Variants in COMMD9 observed in about 807,000 individuals in gnomAD.
COMMD9 encodes COMM domain-containing protein 9.
COMMD9 carries 22 observed loss-of-function variants against 23.4 expected under a neutral mutation model. The observed-to-expected ratio is 0.94, with a 90% CI of 0.67 to 1.34. COMMD9 has a LOEUF of 1.34. Ranked by LOEUF, COMMD9 falls within the 40% of genes most tolerant of loss-of-function variation. The probability of loss-of-function intolerance (pLI) is 0.00; values close to 1 mark genes in which losing one functional copy is unlikely to be tolerated. For synonymous variants in COMMD9, 99 were observed against 97.4 expected, an observed-to-expected ratio of 1.02 and a Z score of -0.10; for missense variants, 231 against 240.2, an observed-to-expected ratio of 0.96 and a Z score of 0.25.
chr11:36,287,168 CGCGTAGTATGT>C (rs1373127051), intron 1 of COMMD9, among the ~76,000 whole-genome samples: 1 of 332 alleles, frequency 3.0e-3, no homozygotes, highest in African/African-American at 0.017. Flanking sequence ...CTATGTATAT[CGCGTAGTATGT>C]ATACTACATA....
In COMMD9 at chr11:36,276,218, A is replaced by T; in HGVS notation, c.375T>A (p.Asp125Glu). The change falls in exon 5 of 6, where the codon GAT (aspartate) becomes GAA (glutamate). Residue 125 changes from aspartate (D) to glutamate (E), a missense_variant. Physicochemically the swap from Asp to Glu is conservative, Grantham distance 45. Coordinates refer to ENST00000263401, the MANE Select transcript of COMMD9 (RefSeq NM_014186.4). ...ANQISLPRLV[D>E]LDWRVDIKTS... ...TTTTGATATCCACTCTCCAGTCCAG[A>T]TCGACCAGGCGTGGCAGAGAGACTG... The T allele has an allele frequency of 6.2e-7, 1 of 1,614,066 alleles. No individual in the cohort carries two copies. Among genetic ancestry groups the T allele is most frequent in the Non-Finnish European group, 8.5e-7 (1 of 1,179,944 alleles).
At chr11:36,287,607 A>AGTATTTT (rs1043623452) in intron 1 of COMMD9, among the ~76,000 whole-genome samples, 1 of 152,004 alleles carries the variant, frequency 6.6e-6, no homozygotes, top group African/African-American at 2.4e-5. Flanking sequence ...AAAAAGTCTA[A>AGTATTTT]GTATTTTTTT....
At position 36,287,120 on chromosome 11, in the gene COMMD9, T is replaced by C. The variant is rs372251103; in HGVS notation, c.51+2242A>G. On this transcript the variant is annotated intron_variant, in intron 1 of 5. Coordinates refer to ENST00000263401, the MANE Select transcript of COMMD9 (RefSeq NM_014186.4). ...TATGTATATCGCGTAGTATGTATAC[T>C]ACATACTATGTATATCGCGTAGTAT... Among the ~76,000 whole-genome samples, 366 of 80,940 alleles carry C rather than the reference T, an allele frequency of 4.5e-3. 39 individuals are homozygous for C. The highest frequency in any genetic ancestry group is 0.014 in the African/African-American group (346 of 24,460). The allele number at this position is 80,940 out of a possible 152,430, so 53.1% of individuals were successfully genotyped here. A position where few individuals can be genotyped will look rare whatever the true frequency, so the allele number is the denominator to read the frequency against.
chr11:36,281,327 A>C (rs1856062645), intron 1 of COMMD9, among the ~76,000 whole-genome samples: 1 of 152,244 alleles, frequency 6.6e-6, no homozygotes, highest in African/African-American at 2.4e-5. Flanking sequence ...TATCATAGAA[A>C]AACTGCAGCC....
chr11:36,278,493 T>A lies in COMMD9; in HGVS notation c.301A>T (p.Ile101Phe), dbSNP rs1261857739. Residue 101 changes from isoleucine (I) to phenylalanine (F), a missense_variant, in exon 3 of 6, where the codon ATC (isoleucine) becomes TTC (phenylalanine). By Grantham distance (21) the Ile-to-Phe change is conservative (BLOSUM62 0). Transcript: ENST00000263401. ...AGCACTTACACATGTTCTAGGATGA[T>A]CTTTGTCAGCAGGTTTTTGAGGTTT... ...HQNLKNLLTK[I>F]ILEHVSTWRT... is the part of the protein sequence containing the mutation. 6.2e-7 allele frequency: 1 copy of A among 1,613,830 alleles called. No homozygotes were observed. Among genetic ancestry groups the A allele is most frequent in the African/African-American group, 1.3e-5 (1 of 74,936 alleles).
chr11:36,278,701 C>G (rs1195432227), intron 2 of COMMD9, 85 bp from the exon 3 acceptor site: 9 of 1,366,084 alleles, frequency 6.6e-6, no homozygotes, highest in African/African-American at 1.5e-5. Context: ...GGGCTCTACA[C>G]CCCGAAGGCT....
At chr11:36,288,021 G>C (rs764972830) in intron 1 of COMMD9, among the ~76,000 whole-genome samples, 41 of 152,078 alleles carry the variant, frequency 2.7e-4, no homozygotes, top group Admixed American at 5.9e-4. Flanking sequence ...ATAGGGGCGG[G>C]GGTAGGTACA....
intron 2 of COMMD9, among the ~76,000 whole-genome samples, chr11:36,279,196 C>G (rs1856025567): frequency 6.6e-6 from 1 of 152,190 alleles, no homozygotes; most frequent in Non-Finnish European, 1.5e-5. Flanking sequence ...GTCCTTTCCT[C>G]TCAACTGGTT....
At position 36,278,537 on chromosome 11, in the gene COMMD9, AAG is replaced by A; in HGVS notation, c.255_256del (p.Phe86SerfsTer112). The A allele has an allele frequency of 5.0e-6, 8 of 1,614,020 alleles. No homozygotes were observed. Among genetic ancestry groups the A allele is most frequent in the Non-Finnish European group, 6.8e-6 (8 of 1,179,828 alleles). On this transcript the variant is annotated frameshift_variant, in exon 3 of 6. Transcript: ENST00000263401. LOFTEE classifies it high-confidence loss of function. The stretch of plus-strand genomic sequence containing the variant: ...GAGGTTTTGGTGGAAATTTTCTGGA[AAG>A]AGAGCCAGAATTGCCTCGGCAGAGG...
chr11:36,283,845 TTGTAATCC>T (rs1856105763), intron 1 of COMMD9, among the ~76,000 whole-genome samples: 1 of 152,130 alleles, frequency 6.6e-6, no homozygotes, highest in Admixed American at 6.6e-5. Flanking sequence ...TGGCTCAGGC[TTGTAATCC>T]CACCACTTTG....
At chr11:36,278,430 T>C (rs1856010228) in intron 3 of COMMD9, 47 bp downstream of exon 3, 1 of 1,525,480 alleles carries the variant, frequency 6.6e-7, no homozygotes, top group African/African-American at 1.4e-5. Context: ...ATAAAAATAA[T>C]AAGAAATGTA....
In COMMD9 at chr11:36,272,631, A is replaced by T. The variant is rs949103066; in HGVS notation, c.*2001T>A. The stretch of plus-strand genomic sequence containing the variant: ...GGGGTCCTTGACCTCTTGTCGTTGC[A>T]TGCAAAAAATTGAATGTTCATTTCC... On this transcript the variant is annotated 3_prime_UTR_variant, in exon 6 of 6. Transcript: ENST00000263401. The T allele has an allele frequency of 6.6e-6, 1 of 152,234 alleles. No individual in the cohort carries two copies. Among genetic ancestry groups the T allele is most frequent in the African/African-American group, 2.4e-5 (1 of 41,462 alleles). 9.4% of individuals were successfully genotyped at this position (152,234 alleles called of 1,614,324 possible).
intron 2 of COMMD9, among the ~76,000 whole-genome samples, chr11:36,280,344 T>C (rs1173842048): frequency 3.3e-5 from 5 of 152,194 alleles, no homozygotes; most frequent in African/African-American, 7.2e-5. Flanking sequence ...GGAAGCCTGA[T>C]GGAATCTAGC....
chr11:36,287,834 G>A (rs956047443), intron 1 of COMMD9, among the ~76,000 whole-genome samples: 9 of 152,136 alleles, frequency 5.9e-5, no homozygotes, highest in Admixed American at 6.5e-5. Context: ...AAGAAAGGGC[G>A]AAAGGGGGAC....
At chr11:36,278,434 A>C (rs760154647) in intron 3 of COMMD9, 43 bp downstream of exon 3, 52 of 1,538,538 alleles carry the variant, frequency 3.4e-5, no homozygotes, top group Non-Finnish European at 4.2e-5. Flanking sequence ...AAATAATAAG[A>C]AATGTAAAAG....
At chr11:36,286,395 C>CAAAAAAAAAAA (rs138463305) in intron 1 of COMMD9, among the ~76,000 whole-genome samples, 272 of 76,710 alleles carry the variant, frequency 3.5e-3, no homozygotes, top group East Asian at 3.8e-3. Context: ...ACTAAAAATA[C>CAAAAAAAAAAA]AAAAAAAAAA....
At chr11:36,279,733 C>T (rs1405057250) in intron 2 of COMMD9, among the ~76,000 whole-genome samples, 1 of 152,220 alleles carries the variant, frequency 6.6e-6, no homozygotes, top group African/African-American at 2.4e-5. Flanking sequence ...CAAAATAAGT[C>T]TCCAAATCAC....
intron 3 of COMMD9, 195 bp downstream of exon 3, chr11:36,278,282 T>C: frequency 3.7e-6 from 2 of 533,420 alleles, no homozygotes; most frequent in South Asian, 4.8e-5. Flanking sequence ...AAAAAAAACA[T>C]GTTTTAAAAG....
At chr11:36,274,847 C>A in intron 5 of COMMD9, 75 bp from the exon 6 acceptor site, 1 of 1,562,066 alleles carries the variant, frequency 6.4e-7, no homozygotes, top group Non-Finnish European at 8.7e-7. Flanking sequence ...CCTGAACCTG[C>A]GAGGCTGAGC....
Sources: gnomAD v4.1 joint callset for allele counts (sites outside exome capture counted in the v4.1 genomes callset) on GRCh38, gnomAD v4.1.1 for gene constraint, MANE v1.5 for transcripts, NCBI Gene and HGNC (gene_info 2026-07-23, HGNC 2026-07-21) for gene names.